POGZ: variants seen among roughly 807,000 people sequenced by gnomAD.
POGZ encodes the protein pogo transposable element with ZNF domain.
POGZ carries 17 observed loss-of-function variants against 134.6 expected under a neutral mutation model. That is an observed-to-expected ratio of 0.13 (90% CI 0.09 to 0.19). POGZ has a LOEUF of 0.19. Ranked by LOEUF, POGZ falls within the 10% of genes least tolerant of loss-of-function variation. The pLI is 1.00. For synonymous variants in POGZ, 693 were observed against 657.1 expected (o/e 1.05, Z -0.84); for missense variants, 1,306 against 1,769.7 (o/e 0.74, Z 4.70).
chr1:151,408,612 T>C (rs745581958), intron 13 of POGZ, 31 bp from the exon 14 acceptor site: 1 of 1,605,218 alleles, frequency 6.2e-7, no homozygotes, highest in Non-Finnish European at 8.5e-7. Context: ...CAATGAGACA[T>C]CACCCACACT....
intron 1 of POGZ, among the ~76,000 whole-genome samples, chr1:151,454,632 G>A (rs1314725972): frequency 6.6e-6 from 1 of 152,134 alleles, no homozygotes; most frequent in African/African-American, 2.4e-5. Context: ...CTTTAAAGGG[G>A]TTCAATATTC....
chr1:151,407,411 C>G, intron 15 of POGZ, 120 bp from the exon 16 acceptor site: 2 of 666,586 alleles, frequency 3.0e-6, no homozygotes, highest in Non-Finnish European at 5.3e-6. Context: ...TAATCTCAAC[C>G]TAAGCCAGTT....
intron 10 of POGZ, among the ~76,000 whole-genome samples, chr1:151,414,100 A>G (rs1335357180): frequency 2.0e-5 from 3 of 152,202 alleles, no homozygotes; most frequent in Non-Finnish European, 4.4e-5. Flanking sequence ...GCATAAAGGA[A>G]TGAGGAAAAG....
rs563998279 is a variant in POGZ at position 151,451,825 on chromosome 1, G to A, written c.-2+7327C>T. 3.3e-5 allele frequency among the ~76,000 whole-genome samples: 5 copies of A among 151,478 alleles called. No individual in the cohort carries two copies. The South Asian group carries it at 8.3e-4, about 25-fold the overall frequency. On this transcript the variant is annotated intron_variant, in intron 1 of 18. Transcript: ENST00000271715. The stretch of plus-strand genomic sequence containing the variant: ...AAAATGTCAATGTTCGGCTGGACGC[G>A]GTGGCTCACGCCTGTAATCCCAGCA...
At position 151,424,079 on chromosome 1, in the gene POGZ, G is replaced by A. The variant is rs1451753587; in HGVS notation, c.1393C>T (p.Leu465Phe). 4 of 1,614,156 alleles carry A rather than the reference G, an allele frequency of 2.5e-6. No homozygotes were observed. Among genetic ancestry groups the A allele is most frequent in the Admixed American group, 3.3e-5 (2 of 60,016 alleles). Residue 465 changes from leucine to phenylalanine, a missense_variant, in exon 9 of 19, where the codon CTC becomes TTC. Coordinates refer to ENST00000271715, the MANE Select transcript of POGZ (RefSeq NM_015100.4). ...ENVGDAVQTKLIMLVDDFYYG... is the reference protein window; with the variant it reads ...ENVGDAVQTKFIMLVDDFYYG... Reference sequence around the variant, plus strand: ...TAGAAGTCATCTACAAGCATAATGAGTTTGGTCTGGACGGCATCGCCCACG... The same window carrying A: ...TAGAAGTCATCTACAAGCATAATGAATTTGGTCTGGACGGCATCGCCCACG...
intron 1 of POGZ, among the ~76,000 whole-genome samples, chr1:151,453,067 C>T (rs1166182730): frequency 6.6e-6 from 1 of 151,824 alleles, no homozygotes; most frequent in Non-Finnish European, 1.5e-5. Flanking sequence ...GGATTACATG[C>T]ATGCGCCACA....
rs1317130137 is a variant in POGZ, at chr1:151,408,448, G to C, written c.2195C>G (p.Pro732Arg). ...TCTCTTCTGGATGCTGCGCTGGACA[G>C]GGGGATAAAGGAAGACAGGCAGAGG... is the stretch of plus-strand genomic sequence containing the variant. ...MDPLPVFLYP[P>R]VQRSIQKRAV... The change falls in exon 14 of 19, where the codon CCT (proline) becomes CGT (arginine). Residue 732 changes from proline (P) to arginine (R), a missense_variant. Coordinates refer to ENST00000271715, the MANE Select transcript of POGZ (RefSeq NM_015100.4). 2 of 1,594,278 alleles carry C rather than the reference G, an allele frequency of 1.3e-6. No homozygotes were observed. Among genetic ancestry groups the C allele is most frequent in the Non-Finnish European group, 8.5e-7 (1 of 1,175,134 alleles).
At chr1:151,411,258 T>C (rs1400859469) in intron 12 of POGZ, among the ~76,000 whole-genome samples, 2 of 152,254 alleles carry the variant, frequency 1.3e-5, no homozygotes, top group African/African-American at 4.8e-5. Context: ...TTTTGCTTTG[T>C]GCCTTGGGCA....
chr1:151,404,531 T>G lies in POGZ; in HGVS notation c.*271A>C. ...AAATACCAAACACAGTGATTTAAAT[T>G]TAAAAAAAAAAAAAGTCACAAAAAC... is the stretch of plus-strand genomic sequence containing the variant. On this transcript the variant is annotated 3_prime_UTR_variant, in exon 19 of 19. Transcript: ENST00000271715. 27 of 1,121,298 alleles carry G rather than the reference T, an allele frequency of 2.4e-5. No individual in the cohort carries two copies. Among genetic ancestry groups the G allele is most frequent in the Non-Finnish European group, 2.9e-5 (27 of 916,486 alleles). 69.5% of individuals were successfully genotyped at this position (1,121,298 alleles called of 1,614,324 possible). A position where few individuals can be genotyped will look rare whatever the true frequency, so the allele number is the denominator to read the frequency against.
intron 2 of POGZ, 102 bp downstream of exon 2, chr1:151,441,979 C>A: frequency 1.2e-6 from 1 of 814,992 alleles, no homozygotes; most frequent in East Asian, 2.6e-5. Flanking sequence ...AACGAGGTCT[C>A]CCTGGATTCT....
At chr1:151,410,269 T>C (rs1210895762) in intron 12 of POGZ, among the ~76,000 whole-genome samples, 4 of 152,240 alleles carry the variant, frequency 2.6e-5, no homozygotes, top group African/African-American at 9.7e-5. Context: ...TCCTCCCTTT[T>C]TATAAATAAA....
rs1658381566 is a variant in POGZ at position 151,429,711 on chromosome 1, C to T, written c.460G>A (p.Gly154Arg). 5 of 1,599,230 alleles carry T rather than the reference C, an allele frequency of 3.1e-6. No homozygotes were observed. The highest frequency in any genetic ancestry group is 4.3e-6 in the Non-Finnish European group (5 of 1,167,434). The part of the protein sequence containing the change: ...ASQPIFITTQ[G>R]FPVRNVRPVQ... The stretch of plus-strand genomic sequence containing the variant: ...GGCCGGACATTCCTTACAGGAAATC[C>T]CTGTATTAAAAAGCAAAATGATCTT... The change falls in exon 5 of 19, where the codon GGA becomes AGA. Residue 154 changes from glycine to arginine, a missense_variant and splice_region_variant. Gly to Arg is a moderately radical substitution (Grantham distance 125). This residue lies in a region of POGZ where 541 missense variants were observed against 680.5 expected (regional missense o/e 0.80). Coordinates refer to ENST00000271715, the MANE Select transcript of POGZ (RefSeq NM_015100.4).
chr1:151,412,103 T>C (rs1654794319), intron 11 of POGZ, among the ~76,000 whole-genome samples, 193 bp downstream of exon 11: 1 of 152,214 alleles, frequency 6.6e-6, no homozygotes, highest in Non-Finnish European at 1.5e-5. Flanking sequence ...AGTCTACTTG[T>C]GGACATGTTC....
intron 3 of POGZ, among the ~76,000 whole-genome samples, chr1:151,433,145 G>A (rs1027036153): frequency 1.3e-5 from 2 of 152,144 alleles, no homozygotes; most frequent in African/African-American, 4.8e-5. Flanking sequence ...AGGGAAAGAT[G>A]GAGGCTTTTT....
At chr1:151,437,055 G>A (rs1396345464) in intron 3 of POGZ, among the ~76,000 whole-genome samples, 2 of 152,094 alleles carry the variant, frequency 1.3e-5, no homozygotes, top group African/African-American at 2.4e-5. Flanking sequence ...TTAGCCGGGT[G>A]TGGTGGCAGG....
intron 3 of POGZ, 196 bp downstream of exon 3, chr1:151,440,732 C>G: frequency 2.5e-6 from 1 of 400,506 alleles, no homozygotes. Context: ...ACACCAGTAC[C>G]GAGTCAGCAC....
At chr1:151,452,516 T>C (rs1340201385) in intron 1 of POGZ, among the ~76,000 whole-genome samples, 1 of 151,982 alleles carries the variant, frequency 6.6e-6, no homozygotes, top group South Asian at 2.1e-4. Flanking sequence ...GATATTTTCT[T>C]ATAGATACTA....
intron 1 of POGZ, among the ~76,000 whole-genome samples, chr1:151,447,642 A>ATTT (rs35308281): frequency 1.1e-4 from 6 of 52,934 alleles, no homozygotes; most frequent in African/African-American, 2.6e-4. Context: ...TGTCTGGCTA[A>ATTT]TTTTTTTTTT....
At chr1:151,413,676 G>T (rs4971043) in intron 10 of POGZ, among the ~76,000 whole-genome samples, 123,753 of 150,048 alleles carry the variant, frequency 0.82, 50,955 homozygotes, top group African/African-American at 0.83. Context: ...TTTAACTACC[G>T]AGAACCCTGG....
Sources: allele counts gnomAD v4.1 joint callset (sites outside exome capture counted in the v4.1 genomes callset), GRCh38; gene constraint gnomAD v4.1.1; regional missense constraint gnomAD v4.1.1; transcripts MANE v1.5; gene names NCBI Gene and HGNC (gene_info 2026-07-23, HGNC 2026-07-21).